The following JMJD1C variants were observed in gnomAD, a reference collection of about 807,000 sequenced individuals.
JMJD1C encodes jumonji domain containing 1C.
A neutral mutation model predicts 245.3 loss-of-function variants in JMJD1C; 31 were observed. The observed-to-expected ratio is 0.13, with a 90% CI of 0.09 to 0.17. JMJD1C has a LOEUF of 0.17. Ranked by LOEUF, JMJD1C falls within the 10% of genes least tolerant of loss-of-function variation. The pLI is 1.00. For synonymous variants in JMJD1C, 1,057 were observed against 1,017.4 expected (o/e 1.04, Z -0.74); for missense variants, 2,691 against 3,000.2 (o/e 0.90, Z 2.41).
At position 63,168,147 on chromosome 10, in the gene JMJD1C, TTGA is replaced by T. The variant is rs756929282; in HGVS notation, c.7534-16_7534-14del. The T allele has an allele frequency of 3.9e-6, 6 of 1,531,664 alleles. No individual in the cohort carries two copies. The South Asian group carries it at 4.5e-5, about 11-fold the overall frequency. The allele number at this position is 1,531,664 out of a possible 1,614,324, so 94.9% of individuals were successfully genotyped here. On this transcript the variant is annotated splice_polypyrimidine_tract_variant and intron_variant, in intron 25 of 25. Coordinates refer to ENST00000399262, the MANE Select transcript of JMJD1C (RefSeq NM_032776.3). ...AAATATTTTTAACCTGAAAGAGATG[TTGA>T]TATTTCTAATCACTTCAGTTCGACA... is the stretch of plus-strand genomic sequence containing the variant.
At chr10:63,448,819 T>C (rs1337727433) in intron 1 of JMJD1C, among the ~76,000 whole-genome samples, 2 of 152,012 alleles carry the variant, frequency 1.3e-5, no homozygotes, top group African/African-American at 4.8e-5. Context: ...AAAAGTAGTG[T>C]TTAAGATACT....
chr10:63,234,507 A>AAC (rs1564654823), intron 3 of JMJD1C, among the ~76,000 whole-genome samples: 2 of 149,238 alleles, frequency 1.3e-5, no homozygotes, highest in Non-Finnish European at 3.0e-5. Context: ...AAAAAAAAAA[A>AAC]AAAAAAAAAA....
chr10:63,338,606 A>C (rs760247959), intron 2 of JMJD1C, among the ~76,000 whole-genome samples: 133 of 149,636 alleles, frequency 8.9e-4, no homozygotes, highest in Non-Finnish European at 1.6e-3. Flanking sequence ...AACTTTAAAC[A>C]TTTTGAATAA....
intron 1 of JMJD1C, among the ~76,000 whole-genome samples, chr10:63,491,899 ACAGCTATTTGT>A (rs1190204198): frequency 6.6e-6 from 1 of 152,262 alleles, no homozygotes; most frequent in Non-Finnish European, 1.5e-5. Flanking sequence ...AACTTCAGAA[ACAGCTATTTGT>A]CAGCACAAAA....
chr10:63,223,943 G>A (rs1456847195), intron 3 of JMJD1C, among the ~76,000 whole-genome samples: 29 of 151,952 alleles, frequency 1.9e-4, no homozygotes, highest in Non-Finnish European at 2.9e-5. Context: ...TAGTAGAGAC[G>A]GGGTTTCGCC....
At chr10:63,300,252 T>C (rs575772912) in intron 2 of JMJD1C, among the ~76,000 whole-genome samples, 1 of 152,296 alleles carries the variant, frequency 6.6e-6, no homozygotes, top group Non-Finnish European at 1.5e-5. Flanking sequence ...AAGCTCTGTA[T>C]GCTGGGTTCA....
chr10:63,285,690 C>G (rs764652325), intron 2 of JMJD1C, among the ~76,000 whole-genome samples: 20 of 152,030 alleles, frequency 1.3e-4, no homozygotes, highest in Non-Finnish European at 2.6e-4. Flanking sequence ...TGCCTCTAGT[C>G]CCAGCTACTC....
chr10:63,250,550 G>A (rs906449736), intron 3 of JMJD1C, among the ~76,000 whole-genome samples: 16 of 151,994 alleles, frequency 1.1e-4, no homozygotes, highest in African/African-American at 1.5e-4. Flanking sequence ...ACCAACTGAT[G>A]TAAAATTTCC....
At chr10:63,500,835 A>AGATG (rs547870279) in intron 1 of JMJD1C, among the ~76,000 whole-genome samples, 214 of 151,714 alleles carry the variant, frequency 1.4e-3, no homozygotes, top group Non-Finnish European at 2.5e-3. Context: ...ATGGATGCAC[A>AGATG]GATGGATGGA....
At chr10:63,177,657 G>T (rs1032458735) in intron 23 of JMJD1C, 60 bp downstream of exon 23, 2 of 1,557,362 alleles carry the variant, frequency 1.3e-6, no homozygotes, top group African/African-American at 1.4e-5. Context: ...TGAAGGTACG[G>T]CAACAATGAA....
intron 18 of JMJD1C, among the ~76,000 whole-genome samples, chr10:63,186,980 G>A (rs996684512): frequency 5.9e-5 from 9 of 152,098 alleles, no homozygotes; most frequent in South Asian, 2.1e-4. Flanking sequence ...GCTTGAGCCC[G>A]AGTTTGTATC....
intron 2 of JMJD1C, among the ~76,000 whole-genome samples, chr10:63,280,891 C>A (rs1004421628): frequency 6.6e-6 from 1 of 151,830 alleles, no homozygotes; most frequent in African/African-American, 2.4e-5. Flanking sequence ...TAGGCTGTCC[C>A]GCTTGACAGA....
chr10:63,243,525 T>C (rs1359878524), intron 3 of JMJD1C, among the ~76,000 whole-genome samples: 3 of 152,102 alleles, frequency 2.0e-5, no homozygotes, highest in Non-Finnish European at 4.4e-5. Context: ...AAATTCTGTC[T>C]CAAAAAAAAT....
At position 63,477,355 on chromosome 10, in the gene JMJD1C, T is replaced by C. The variant is rs913227925; in HGVS notation, n.113+44383A>G. Among the ~76,000 whole-genome samples, 3 of 151,308 alleles carry C rather than the reference T, an allele frequency of 2.0e-5. No individual in the cohort carries two copies. In the East Asian group the frequency reaches 5.8e-4, roughly 29 times the overall value. On this transcript the variant is annotated intron_variant and non_coding_transcript_variant, in intron 1 of 3. Coordinates refer to the JMJD1C transcript ENST00000633035. ...CTATCTTATATTAAGTCTTACTATATAGCTGCAGTAATCAACTCACCATAA... is the reference window on the plus strand; with the variant it reads ...CTATCTTATATTAAGTCTTACTATACAGCTGCAGTAATCAACTCACCATAA...
chr10:63,179,563 A>C (rs1843227431), intron 22 of JMJD1C, among the ~76,000 whole-genome samples: 1 of 152,130 alleles, frequency 6.6e-6, no homozygotes, highest in Non-Finnish European at 1.5e-5. Flanking sequence ...ACTTGAGCCC[A>C]GGAGTTTGAG....
At chr10:63,308,751 C>CAAAAAA (rs377153800) in intron 2 of JMJD1C, among the ~76,000 whole-genome samples, 13 of 49,664 alleles carry the variant, frequency 2.6e-4, no homozygotes, top group East Asian at 7.7e-4. Context: ...CATTTGAGAA[C>CAAAAAA]AAAAAAAAAA....
intron 1 of JMJD1C, among the ~76,000 whole-genome samples, chr10:63,443,973 A>T (rs1951543167): frequency 1.3e-5 from 2 of 152,208 alleles, no homozygotes; most frequent in Non-Finnish European, 2.9e-5. Context: ...CAACCGCTGA[A>T]TATTCATCAA....
At chr10:63,263,784 T>C (rs1012298728) in intron 3 of JMJD1C, among the ~76,000 whole-genome samples, 3 of 151,654 alleles carry the variant, frequency 2.0e-5, no homozygotes, top group Admixed American at 6.6e-5. Flanking sequence ...ATACAAAAAT[T>C]AGCTGGGCGT....
rs1030062659 is a variant in JMJD1C, at chr10:63,177,644, A to T, written c.7224+73T>A. On this transcript the variant is annotated intron_variant, in intron 23 of 25. Transcript: ENST00000399262. Reference sequence around the variant, plus strand: ...TAATGGTCTTATATTGTTGAATGCCAAGTGAAGGTACGGCAACAATGAATA... The same window carrying T: ...TAATGGTCTTATATTGTTGAATGCCTAGTGAAGGTACGGCAACAATGAATA... The T allele has an allele frequency of 6.7e-6, 10 of 1,484,764 alleles. No individual in the cohort carries two copies. In the African/African-American group the frequency reaches 1.4e-4, roughly 21 times the overall value. 92.0% of individuals were successfully genotyped at this position (1,484,764 alleles called of 1,614,324 possible).
Sources: allele counts gnomAD v4.1 joint callset (sites outside exome capture counted in the v4.1 genomes callset), GRCh38; gene constraint gnomAD v4.1.1; transcripts MANE v1.5; gene names NCBI Gene and HGNC (gene_info 2026-07-23, HGNC 2026-07-21).